The following FCHO2 variants were observed in gnomAD, a reference collection of about 807,000 sequenced individuals.
FCHO2 encodes the protein F-BAR domain only protein 2.
FCHO2 carries 43 observed loss-of-function variants against 114.1 expected under a neutral mutation model. The ratio of observed to expected loss-of-function variants is 0.38; its 90% CI spans 0.30 to 0.49. FCHO2 has a LOEUF of 0.49. Among genes scored for constraint, FCHO2 ranks in the 20% least tolerant of loss-of-function variants. FCHO2 has a pLI of 0.97. For missense variants in FCHO2, 807 were observed against 950.4 expected (o/e 0.85, Z 1.98); for synonymous variants, 293 against 315.2 (o/e 0.93, Z 0.75).
At chr5:73,035,144 A>G (rs1484304880) in intron 9 of FCHO2, among the ~76,000 whole-genome samples, 1 of 152,110 alleles carries the variant, frequency 6.6e-6, no homozygotes, top group African/African-American at 2.4e-5. Flanking sequence ...TTGGCTGGGC[A>G]CAGTGGCTCA....
rs1320495817 is a variant in FCHO2 at position 73,090,118 on chromosome 5, T to G, written c.*2028T>G. ...CCTAAAAATGTACAAATTAGTGAAA[T>G]GGTTAAACTTCTGCACTTTCTTAGT... On this transcript the variant is annotated 3_prime_UTR_variant, in exon 26 of 26. Transcript: ENST00000430046. The G allele has an allele frequency of 6.6e-6, 1 of 152,610 alleles. No individual in the cohort carries two copies. The highest frequency in any genetic ancestry group is 6.5e-5 in the Admixed American group (1 of 15,276). 9.5% of individuals were successfully genotyped at this position (152,610 alleles called of 1,614,324 possible).
chr5:73,010,633 T>TAA (rs1561445480), intron 6 of FCHO2, among the ~76,000 whole-genome samples: 1 of 151,814 alleles, frequency 6.6e-6, no homozygotes, highest in Non-Finnish European at 1.5e-5. Context: ...TCCCAGCACT[T>TAA]TTGGAGGCTG....
intron 2 of FCHO2, among the ~76,000 whole-genome samples, chr5:72,981,844 G>A (rs748833641): frequency 1.3e-5 from 2 of 152,044 alleles, no homozygotes; most frequent in African/African-American, 2.4e-5. Context: ...TTAGCAATTC[G>A]TCTAACCTTT....
chr5:72,961,625 G>A lies in FCHO2; in HGVS notation c.33+5496G>A, dbSNP rs557345100. Among the ~76,000 whole-genome samples, 19 of 149,792 alleles carry A rather than the reference G, an allele frequency of 1.3e-4. 1 individual carries two copies. Among genetic ancestry groups the A allele is most frequent in the African/African-American group, 4.7e-4 (19 of 40,600 alleles). ...TTTTTTTTTTTTGAGACGGAGTTTC[G>A]CTCTTGTTGCCCAGGCTGGAGTGCA... On this transcript the variant is annotated intron_variant, in intron 1 of 25. Transcript: ENST00000430046.
intron 24 of FCHO2, 73 bp downstream of exon 24, chr5:73,082,898 A>G: frequency 1.5e-6 from 2 of 1,299,770 alleles, no homozygotes; most frequent in Non-Finnish European, 2.1e-6. Flanking sequence ...TTTTTAAAAC[A>G]GAGTCTAGCT....
intron 2 of FCHO2, among the ~76,000 whole-genome samples, chr5:72,983,495 T>C (rs898458385): frequency 8.6e-5 from 13 of 151,830 alleles, no homozygotes; most frequent in African/African-American, 1.7e-4. Flanking sequence ...TACTGAATAG[T>C]TGGGACTATA....
At chr5:73,062,098 C>G (rs1159155929) in intron 17 of FCHO2, among the ~76,000 whole-genome samples, 1 of 151,978 alleles carries the variant, frequency 6.6e-6, no homozygotes, top group Non-Finnish European at 1.5e-5. Context: ...TTTCTTGAAA[C>G]ACTGCTTCTA....
chr5:72,976,878 G>C (rs1436324783), intron 2 of FCHO2, among the ~76,000 whole-genome samples: 1 of 151,738 alleles, frequency 6.6e-6, no homozygotes, highest in East Asian at 1.9e-4. Flanking sequence ...AGGACATGTG[G>C]TGTTTGGTTT....
chr5:73,083,854 C>T (rs1467758678), intron 24 of FCHO2, among the ~76,000 whole-genome samples: 2 of 149,074 alleles, frequency 1.3e-5, no homozygotes, highest in Non-Finnish European at 3.0e-5. Context: ...GATGGTGCCC[C>T]TGCTCTCCAG....
chr5:72,983,564 T>G (rs1362336314), intron 2 of FCHO2, among the ~76,000 whole-genome samples: 1 of 148,720 alleles, frequency 6.7e-6, no homozygotes, highest in Non-Finnish European at 1.5e-5. Context: ...TTTTTTTTTT[T>G]TTTTTGGAGA....
In FCHO2 at chr5:72,988,759, AAACT is replaced by A. The variant is rs1753670999; in HGVS notation, c.126-665_126-662del. 2.0e-5 allele frequency among the ~76,000 whole-genome samples: 3 copies of A among 152,320 alleles called. No homozygotes were observed. In the East Asian group the frequency reaches 5.8e-4, roughly 29 times the overall value. On this transcript the variant is annotated intron_variant, in intron 2 of 25. Transcript: ENST00000430046. ...TGCATCACAGTGTTGAAGAATAATAAAACTAAGTACAACAAAGAATTATTAAATA... is the reference window on the plus strand; with the variant it reads ...TGCATCACAGTGTTGAAGAATAATAAAAGTACAACAAAGAATTATTAAATA...
chr5:72,993,753 G>A (rs1753931476), intron 5 of FCHO2, among the ~76,000 whole-genome samples: 1 of 152,136 alleles, frequency 6.6e-6, no homozygotes, highest in South Asian at 2.1e-4. Context: ...AGGAAGTAAT[G>A]GCTTTGATTA....
intron 1 of FCHO2, among the ~76,000 whole-genome samples, chr5:72,959,927 A>G (rs1236049051): frequency 6.6e-6 from 1 of 152,140 alleles, no homozygotes; most frequent in Admixed American, 6.5e-5. Context: ...CCACAGGTAC[A>G]GGCCACCATG....
At chr5:72,995,506 T>C (rs1343014315) in intron 5 of FCHO2, among the ~76,000 whole-genome samples, 1 of 152,194 alleles carries the variant, frequency 6.6e-6, no homozygotes, top group Non-Finnish European at 1.5e-5. Context: ...TCTGCCTGCC[T>C]TGGCCTCCCA....
In FCHO2 at chr5:72,989,885, A is replaced by G. The variant is rs188053407; in HGVS notation, c.200+384A>G. On this transcript the variant is annotated intron_variant, in intron 3 of 25. Coordinates refer to ENST00000430046, the MANE Select transcript of FCHO2 (RefSeq NM_138782.3). Reference sequence around the variant, plus strand: ...GATAAACTTTATTGAAATGATTAAGATGCATTAAAAATGTCTCCTGTGATT... The same window carrying G: ...GATAAACTTTATTGAAATGATTAAGGTGCATTAAAAATGTCTCCTGTGATT... Among the ~76,000 whole-genome samples, 656 of 152,166 alleles carry G rather than the reference A, an allele frequency of 4.3e-3. 1 individual carries two copies. The highest frequency in any genetic ancestry group is 8.0e-3 in the Middle Eastern group (2 of 250).
At chr5:73,054,490 T>A (rs1287760248) in intron 14 of FCHO2, 35 bp from the exon 15 acceptor site, 2 of 1,514,776 alleles carry the variant, frequency 1.3e-6, no homozygotes, top group African/African-American at 1.4e-5. Flanking sequence ...CAAATTCATT[T>A]GTTTTATGGT....
At chr5:72,991,181 C>T (rs1228984965) in intron 5 of FCHO2, among the ~76,000 whole-genome samples, 2 of 152,156 alleles carry the variant, frequency 1.3e-5, no homozygotes, top group African/African-American at 4.8e-5. Context: ...TCTCCTGCCT[C>T]AGCCTCCCAA....
At chr5:73,043,539 A>G (rs1038977652) in intron 11 of FCHO2, among the ~76,000 whole-genome samples, 4 of 151,742 alleles carry the variant, frequency 2.6e-5, no homozygotes, top group Admixed American at 6.6e-5. Context: ...AGAAAGTGAT[A>G]AATAGATATT....
chr5:73,053,523 G>A (rs924164174), intron 13 of FCHO2, among the ~76,000 whole-genome samples: 2 of 151,984 alleles, frequency 1.3e-5, no homozygotes, highest in African/African-American at 4.8e-5. Flanking sequence ...GTGAAACCCC[G>A]TCTCTTGAAA....
Sources: allele counts gnomAD v4.1 joint callset (sites outside exome capture counted in the v4.1 genomes callset), GRCh38; gene constraint gnomAD v4.1.1; transcripts MANE v1.5; gene names NCBI Gene and HGNC (gene_info 2026-07-23, HGNC 2026-07-21).